Variants in AKNA observed in about 807,000 individuals in gnomAD.
AKNA encodes the protein AT-hook transcription factor.
In AKNA, 67 loss-of-function variants were observed where a neutral mutation model predicts 138.8. That is an observed-to-expected ratio of 0.48 (90% CI 0.40 to 0.59). The LOEUF is 0.59. Ranked by LOEUF, AKNA falls within the 20% of genes least tolerant of loss-of-function variation. The probability of loss-of-function intolerance (pLI) is 0.00; values close to 1 mark genes in which losing one functional copy is unlikely to be tolerated. For synonymous variants in AKNA, 737 were observed against 754.4 expected (o/e 0.98, Z 0.38); for missense variants, 1,813 against 1,880.4 (o/e 0.96, Z 0.66).
intron 13 of AKNA, 44 bp downstream of exon 13, chr9:114,356,819 C>T: frequency 5.4e-6 from 8 of 1,486,744 alleles, no homozygotes; most frequent in Non-Finnish European, 7.2e-6. Context: ...CAGGCTGTCC[C>T]AGGAATGTGG....
chr9:114,393,754 G>T (rs114702074), intron 1 of AKNA, among the ~76,000 whole-genome samples: 1,628 of 134,954 alleles, frequency 0.012, 30 homozygotes, highest in African/African-American at 0.04. Flanking sequence ...TATATATCTA[G>T]TTTGAGTCCA....
In AKNA at chr9:114,337,221, G is replaced by A. The variant is rs578078726; in HGVS notation, c.4153C>T (p.Arg1385Trp). Residue 1385 changes from arginine (R) to tryptophan (W), a missense_variant, in exon 22 of 22, where the codon CGG (arginine) becomes TGG (tryptophan). Arg to Trp is a moderately radical substitution (Grantham distance 101). Coordinates refer to ENST00000374088, the MANE Select transcript of AKNA (RefSeq NM_001317950.2). ...TASPPPARRHRHSIQLDLGDL... is the reference protein window; with the variant it reads ...TASPPPARRHWHSIQLDLGDL... ...CCCAGGTCGAGCTGGATGGAGTGCC[G>A]GTGTCTCCGGGCTGGTGGGGGAGAG... 1.4e-5 allele frequency: 22 copies of A among 1,586,368 alleles called. No homozygotes were observed. Among genetic ancestry groups the A allele is most frequent in the East Asian group, 2.3e-5 (1 of 43,954 alleles).
chr9:114,332,612 C>T (rs1464894401), downstream of AKNA, among the ~76,000 whole-genome samples: 1 of 152,056 alleles, frequency 6.6e-6, no homozygotes, highest in Non-Finnish European at 1.5e-5. Context: ...ACCTCCTGCC[C>T]CATCCCCAGC....
At chr9:114,387,271 C>G (rs1834104176) in intron 1 of AKNA, among the ~76,000 whole-genome samples, 1 of 152,328 alleles carries the variant, frequency 6.6e-6, no homozygotes, top group East Asian at 1.9e-4. Flanking sequence ...GCACCAGCCA[C>G]TCCCTCTCTG....
intron 9 of AKNA, 27 bp downstream of exon 9, chr9:114,361,677 G>A (rs749211761): frequency 6.2e-7 from 1 of 1,610,810 alleles, no homozygotes; most frequent in Non-Finnish European, 8.5e-7. Flanking sequence ...CGAGGGAACA[G>A]CCCAATATGG....
At chr9:114,390,945 G>T (rs1328189841), upstream of AKNA, among the ~76,000 whole-genome samples, 1 of 152,200 alleles carries the variant, frequency 6.6e-6, no homozygotes, top group African/African-American at 2.4e-5. Context: ...TCTTCACTCA[G>T]TTGGGAGCTC....
chr9:114,341,921 T>G, intron 20 of AKNA, 88 bp downstream of exon 20: 1 of 1,387,186 alleles, frequency 7.2e-7, no homozygotes, highest in Non-Finnish European at 1.0e-6. Context: ...GAACAACAGC[T>G]GCTCCAGTTA....
intron 20 of AKNA, 60 bp downstream of exon 20, chr9:114,341,949 T>C: frequency 6.6e-7 from 1 of 1,509,282 alleles, no homozygotes. Context: ...CCAGGTCTAA[T>C]AACCCTGGTC....
intron 1 of AKNA, chr9:114,383,227 C>G (rs1047036905): frequency 6.6e-6 from 3 of 455,972 alleles, no homozygotes; most frequent in Non-Finnish European, 1.3e-5. Context: ...GCTGCAGGAA[C>G]AGGGTAGCCA....
chr9:114,340,705 C>T (rs1830282711), intron 21 of AKNA, among the ~76,000 whole-genome samples: 1 of 152,190 alleles, frequency 6.6e-6, no homozygotes, highest in Non-Finnish European at 1.5e-5. Context: ...TCCACGGTAG[C>T]TCTGGCCAAC....
At chr9:114,347,014 G>C (rs1285154531) in intron 16 of AKNA, among the ~76,000 whole-genome samples, 1 of 152,102 alleles carries the variant, frequency 6.6e-6, no homozygotes, top group Non-Finnish European at 1.5e-5. Flanking sequence ...TTACCTCAGA[G>C]GGTTATAAAA....
chr9:114,342,036 C>T lies in AKNA; in HGVS notation c.3847G>A (p.Ala1283Thr). ...LCGQVGSPPEADGPGSATSGA... is the reference protein window; with the variant it reads ...LCGQVGSPPETDGPGSATSGA... The stretch of plus-strand genomic sequence containing the variant: ...GAGGTGGCTGAGCCTGGACCATCTG[C>T]CTCTGGGGGAGACCCAACTTGACCA... Residue 1283 changes from alanine to threonine, a missense_variant, in exon 20 of 22, where the codon GCA becomes ACA. By Grantham distance (58) the Ala-to-Thr change is moderately conservative. Transcript: ENST00000374088. The T allele has an allele frequency of 6.2e-7, 1 of 1,614,052 alleles. No homozygotes were observed. Among genetic ancestry groups the T allele is most frequent in the Non-Finnish European group, 8.5e-7 (1 of 1,179,942 alleles).
downstream of AKNA, among the ~76,000 whole-genome samples, chr9:114,333,925 C>T (rs868471497): frequency 0.012 from 1,792 of 146,604 alleles, 3 homozygotes; most frequent in African/African-American, 0.044. Flanking sequence ...GATTGTATCA[C>T]GGGGCTGGTT....
Position 114,347,796 on chromosome 9 carries a change from G to A in AKNA, c.3326C>T (p.Ala1109Val), listed in dbSNP as rs1005734768. 4.5e-6 allele frequency: 7 copies of A among 1,550,254 alleles called. No homozygotes were observed. The highest frequency in any genetic ancestry group is 1.7e-4 in the Middle Eastern group (1 of 5,976). The change falls in exon 16 of 22, where the codon GCC (alanine) becomes GTC (valine). Residue 1109 changes from alanine to valine, a missense_variant. Transcript: ENST00000374088. ...LQGSPTRPAS[A>V]FDRPARTRGR... ...GCGGGTCCGGGCGGGGCGGTCAAAG[G>A]CAGATGCTGGGCGTGTCGGGCTGCC...
In AKNA at chr9:114,342,180, G is replaced by A. The variant is rs79423569; in HGVS notation, c.3758-55C>T. On this transcript the variant is annotated intron_variant, in intron 19 of 21. Coordinates refer to ENST00000374088, the MANE Select transcript of AKNA (RefSeq NM_001317950.2). ...GGATTACATCTAAATCATCAGATCA[G>A]GAGCCCCCATGCAGGCCTTCTGCAG... The A allele has an allele frequency of 5.1e-3, 6,835 of 1,351,282 alleles. 303 individuals are homozygous for A. The African/African-American group carries it at 0.09, about 18-fold the overall frequency. The allele number at this position is 1,351,282 out of a possible 1,614,324, so 83.7% of individuals were successfully genotyped here. A position where few individuals can be genotyped will look rare whatever the true frequency, so the allele number is the denominator to read the frequency against.
At chr9:114,337,498 G>C (rs534954401) in intron 21 of AKNA, among the ~76,000 whole-genome samples, 192 bp from the exon 22 acceptor site, 2 of 152,256 alleles carry the variant, frequency 1.3e-5, no homozygotes, top group African/African-American at 4.8e-5. Context: ...AAAGATGAAG[G>C]AAGATAACAA....
rs543391673 is a variant in AKNA at position 114,364,598 on chromosome 9, T to G, written c.1750A>C (p.Ile584Leu). ...TGGGGCATGAGACGTCCTGCCTGTA[T>G]CAGTCTTTCAAAGGACTCCACCTGG... Reference protein sequence around the residue: ...LAKVESFERLIQAGRLMPQDQ... With the variant: ...LAKVESFERLLQAGRLMPQDQ... Residue 584 changes from isoleucine to leucine, a missense_variant, in exon 7 of 22, where the codon ATA (isoleucine) becomes CTA (leucine). By Grantham distance (5) the Ile-to-Leu change is conservative (BLOSUM62 2). Transcript: ENST00000374088. 4 of 1,613,988 alleles carry G rather than the reference T, an allele frequency of 2.5e-6. No individual in the cohort carries two copies. The African/African-American group carries it at 5.3e-5, about 22-fold the overall frequency.
chr9:114,345,822 A>C (rs565173802), intron 18 of AKNA, 41 bp downstream of exon 18: 2 of 1,600,810 alleles, frequency 1.2e-6, no homozygotes, highest in South Asian at 2.2e-5. Context: ...CCCCGCTGAC[A>C]CCAGGAGCTG....
rs561414759 is a variant in AKNA at position 114,382,362 on chromosome 9, G to A, written c.-113-916C>T. Among the ~76,000 whole-genome samples the A allele has an allele frequency of 4.7e-4, 72 of 152,248 alleles. No individual in the cohort carries two copies. The South Asian group carries it at 0.014, about 30-fold the overall frequency. ...TCCCAGCACTTTGGGAGGCTGAGGC[G>A]AGTGGATCACTTGAGTCTAGGAGTT... On this transcript the variant is annotated intron_variant, in intron 1 of 21. Coordinates refer to ENST00000374088, the MANE Select transcript of AKNA (RefSeq NM_001317950.2).
Sources: gnomAD v4.1 joint callset for allele counts (sites outside exome capture counted in the v4.1 genomes callset) on GRCh38, gnomAD v4.1.1 for gene constraint, MANE v1.5 for transcripts, NCBI Gene and HGNC (gene_info 2026-07-23, HGNC 2026-07-21) for gene names.